PDE11A: variants seen among roughly 807,000 people sequenced by gnomAD.
The protein encoded by PDE11A is dual 3',5'-cyclic-AMP and -GMP phosphodiesterase 11A.
Under a neutral mutation model 100.5 loss-of-function variants are expected in PDE11A, and 100 were observed. The ratio of observed to expected loss-of-function variants is 1.00; its 90% confidence interval spans 0.85 to 1.18. The LOEUF is 1.18. Ranked by LOEUF, PDE11A falls within the 50% of genes most tolerant of loss-of-function variation. The pLI, the probability that PDE11A is intolerant of heterozygous loss-of-function variation, is 0.00. For synonymous variants in PDE11A, 381 were observed against 420.8 expected, an observed-to-expected ratio of 0.91 and a Z score of 1.16; for missense variants, 1,141 against 1,152.6, an observed-to-expected ratio of 0.99 and a Z score of 0.15.
chr2:177,713,166 G>T (rs1023539698), intron 12 of PDE11A, among the ~76,000 whole-genome samples: 20 of 151,998 alleles, frequency 1.3e-4, no homozygotes, highest in African/African-American at 3.4e-4. Context: ...CCACCACCAC[G>T]CCCAGCTAAT....
At chr2:177,992,534 A>G (rs778333318) in intron 2 of PDE11A, among the ~76,000 whole-genome samples, 1 of 152,164 alleles carries the variant, frequency 6.6e-6, no homozygotes, top group Non-Finnish European at 1.5e-5. Context: ...CATTTCCACT[A>G]ATGTTTCTAT....
intron 2 of PDE11A, among the ~76,000 whole-genome samples, chr2:177,987,080 T>C (rs2085949037): frequency 6.6e-6 from 1 of 152,180 alleles, no homozygotes; most frequent in African/African-American, 2.4e-5. Context: ...TCTACTTAAA[T>C]AGTAAAACTG....
intron 1 of PDE11A, among the ~76,000 whole-genome samples, chr2:178,039,161 A>G (rs1000716128): frequency 6.6e-6 from 1 of 152,198 alleles, no homozygotes; most frequent in African/African-American, 2.4e-5. Context: ...ACGCCCATCA[A>G]TGACACATTG....
At chr2:177,671,874 T>G (rs930394235) in intron 17 of PDE11A, among the ~76,000 whole-genome samples, 2 of 152,142 alleles carry the variant, frequency 1.3e-5, no homozygotes, top group Non-Finnish European at 2.9e-5. Context: ...CCTGTCACTT[T>G]CCTGTTCCCT....
chr2:177,970,858 C>T (rs1300596862), intron 2 of PDE11A, among the ~76,000 whole-genome samples: 3 of 152,122 alleles, frequency 2.0e-5, no homozygotes, highest in Non-Finnish European at 1.5e-5. Context: ...CAGAGTCTTA[C>T]AGCATGGAGT....
chr2:177,997,935 A>G (rs1574332017), intron 2 of PDE11A: 1 of 1,258,422 alleles, frequency 7.9e-7, no homozygotes, highest in Non-Finnish European at 1.2e-6. Flanking sequence ...GTATGTCAAG[A>G]CCTTCCACTG....
At chr2:177,917,170 G>A (rs148877327) in intron 2 of PDE11A, among the ~76,000 whole-genome samples, 52 of 151,728 alleles carry the variant, frequency 3.4e-4, no homozygotes, top group African/African-American at 1.0e-3. Flanking sequence ...GAGGGCTTCC[G>A]CCTCCAAAAC....
intron 2 of PDE11A, among the ~76,000 whole-genome samples, chr2:177,920,010 T>A (rs2085017846): frequency 6.6e-6 from 1 of 152,098 alleles, no homozygotes; most frequent in African/African-American, 2.4e-5. Flanking sequence ...ATAAATCGTG[T>A]TGGGACATAG....
At chr2:177,903,121 A>C (rs1271753566) in intron 3 of PDE11A, among the ~76,000 whole-genome samples, 1 of 147,530 alleles carries the variant, frequency 6.8e-6, no homozygotes. Context: ...TTTCCCTTTC[A>C]CTCTTCCCCT....
chr2:178,069,209 C>G (rs2087091570), intron 1 of PDE11A, among the ~76,000 whole-genome samples: 1 of 151,822 alleles, frequency 6.6e-6, no homozygotes, highest in Admixed American at 6.6e-5. Context: ...TTGAGATAAA[C>G]AAAAATAATC....
chr2:177,921,508 C>T (rs2085046219), intron 2 of PDE11A, among the ~76,000 whole-genome samples: 1 of 151,354 alleles, frequency 6.6e-6, no homozygotes. Context: ...TTTATCATGG[C>T]ATATGCTGCA....
intron 2 of PDE11A, among the ~76,000 whole-genome samples, chr2:177,948,074 C>T (rs550397165): frequency 5.6e-4 from 85 of 151,846 alleles, no homozygotes; most frequent in Non-Finnish European, 9.6e-4. Flanking sequence ...ATACTATGTG[C>T]ATGTGTGTAT....
rs202117698 is a variant in PDE11A at position 178,104,442 on chromosome 2, GTC to G, written c.20_21del (p.Arg7ThrfsTer30). ...GCACTGAGCACATTTCTGAATAAAG[GTC>G]TTCTTGCCTGCTTCAGCATCTCCCA... On this transcript the variant is annotated frameshift_variant, in exon 2 of 21. Coordinates refer to the PDE11A transcript ENST00000358450. LOFTEE classifies it high-confidence loss of function. 2.9e-3 allele frequency: 4,650 copies of G among 1,614,002 alleles called. 8 individuals are homozygous for G. Among genetic ancestry groups the G allele is most frequent in the Non-Finnish European group, 2.8e-3 (3,302 of 1,179,956 alleles).
chr2:177,946,684 TGGGGGG>T (rs2085438427), intron 2 of PDE11A, among the ~76,000 whole-genome samples: 3 of 5,856 alleles, frequency 5.1e-4, no homozygotes, highest in Non-Finnish European at 1.0e-3. Flanking sequence ...GGGAGGGAGG[TGGGGGG>T]GGTCAGCCCC....
At chr2:178,052,368 G>T (rs1233957379) in intron 1 of PDE11A, among the ~76,000 whole-genome samples, 2 of 152,218 alleles carry the variant, frequency 1.3e-5, no homozygotes, top group Non-Finnish European at 2.9e-5. Flanking sequence ...AAAGCAGTGT[G>T]TAGAGGGAAA....
intron 10 of PDE11A, among the ~76,000 whole-genome samples, chr2:177,744,612 A>T (rs1344918): frequency 0.97 from 147,976 of 152,186 alleles, 72,067 homozygotes; most frequent in East Asian, 1. Flanking sequence ...GATGCTTTCA[A>T]GCTCAATGGC....
chr2:178,089,026 C>T (rs1219768636), intron 2 of PDE11A, among the ~76,000 whole-genome samples: 3 of 152,152 alleles, frequency 2.0e-5, no homozygotes, highest in Non-Finnish European at 2.9e-5. Flanking sequence ...TCATCTTTCA[C>T]AAAGTAGGCG....
chr2:177,810,209 C>G (rs545849260), intron 9 of PDE11A, among the ~76,000 whole-genome samples: 1 of 152,304 alleles, frequency 6.6e-6, no homozygotes, highest in South Asian at 2.1e-4. Context: ...ATAGCCCAAG[C>G]TTTTCCATTC....
At chr2:178,027,167 C>G (rs1295901165) in intron 1 of PDE11A, among the ~76,000 whole-genome samples, 1 of 151,886 alleles carries the variant, frequency 6.6e-6, no homozygotes, top group Admixed American at 6.6e-5. Context: ...AATTTTTATG[C>G]TCTTTAATAA....
Sources: allele counts gnomAD v4.1 joint callset (sites outside exome capture counted in the v4.1 genomes callset), GRCh38; gene constraint gnomAD v4.1.1; transcripts MANE v1.5; gene names NCBI Gene and HGNC (gene_info 2026-07-23, HGNC 2026-07-21).